Variants in IQCE observed in about 807,000 individuals in gnomAD.
IQCE encodes IQ domain-containing protein E.
IQCE carries 115 observed loss-of-function variants against 96.0 expected under a neutral mutation model. The observed-to-expected ratio is 1.20, with a 90% CI of 1.03 to 1.40. The LOEUF is 1.40. IQCE is among the 40% of genes most tolerant of loss of function. The pLI, the probability that IQCE is intolerant of heterozygous loss-of-function variation, is 0.00. For synonymous variants in IQCE, 412 were observed against 371.2 expected (o/e 1.11, Z -1.26); for missense variants, 1,041 against 909.1 (o/e 1.15, Z -1.87).
intron 4 of IQCE, 62 bp downstream of exon 4, chr7:2,571,716 G>C: frequency 6.5e-7 from 1 of 1,536,438 alleles, no homozygotes; most frequent in South Asian, 1.1e-5. Context: ...AAATTTCAGG[G>C]AGTGGTTTGA....
intron 1 of IQCE, among the ~76,000 whole-genome samples, chr7:2,565,175 C>G (rs117397769): frequency 6.7e-6 from 1 of 149,740 alleles, no homozygotes; most frequent in Non-Finnish European, 1.5e-5. Context: ...TTGTATTCTG[C>G]TGACTGCAGT....
At chr7:2,567,902 C>T (rs1781497506) in intron 2 of IQCE, among the ~76,000 whole-genome samples, 1 of 152,156 alleles carries the variant, frequency 6.6e-6, no homozygotes, top group South Asian at 2.1e-4. Context: ...GGGGATGCTC[C>T]TCTGATGTTC....
intron 5 of IQCE, 110 bp from the exon 6 acceptor site, chr7:2,573,293 GCTTTTTTATTTTCTT>G: frequency 3.3e-6 from 2 of 613,518 alleles, no homozygotes; most frequent in South Asian, 3.7e-5. Context: ...AATTATTTTG[GCTTTTTTATTTTCTT>G]CTTTTTTAAA....
intron 1 of IQCE, among the ~76,000 whole-genome samples, chr7:2,561,481 C>A (rs1448624473): frequency 6.8e-6 from 1 of 147,790 alleles, no homozygotes; most frequent in Non-Finnish European, 1.5e-5. Flanking sequence ...AGTGCAGTGG[C>A]GCGATCTCGG....
intron 8 of IQCE, among the ~76,000 whole-genome samples, chr7:2,579,586 G>T (rs1266925037): frequency 2.0e-5 from 3 of 152,182 alleles, no homozygotes; most frequent in Admixed American, 6.5e-5. Flanking sequence ...GTTTAAAGTA[G>T]ATGGTGAAAG....
At chr7:2,572,532 G>C (rs575130642) in intron 5 of IQCE, among the ~76,000 whole-genome samples, 1 of 152,180 alleles carries the variant, frequency 6.6e-6, no homozygotes, top group Non-Finnish European at 1.5e-5. Context: ...AGCTTTCCTC[G>C]TGGGTGCAGG....
At position 2,610,056 on chromosome 7, in the gene IQCE, C is replaced by T. The variant is rs1785040606; in HGVS notation, c.1982C>T (p.Ser661Leu). The change falls in exon 22 of 22, where the codon TCA becomes TTA. Residue 661 changes from serine to leucine, a missense_variant. Coordinates refer to ENST00000402050, the MANE Select transcript of IQCE (RefSeq NM_152558.5). ...TTCATTTCTGCAGACCCCTCTCCCT[C>T]AGGGCCACAGGCCTTGGCACCTCTA... The part of the protein sequence containing the change: ...FLAALPDPSP[S>L]GPQALAPLPG... 5 of 1,598,132 alleles carry T rather than the reference C, an allele frequency of 3.1e-6. No individual in the cohort carries two copies. Among genetic ancestry groups the T allele is most frequent in the Admixed American group, 3.3e-5 (2 of 59,976 alleles).
At chr7:2,595,690 C>T (rs1210653349) in intron 16 of IQCE, among the ~76,000 whole-genome samples, 6 of 151,184 alleles carry the variant, frequency 4.0e-5, no homozygotes, top group Non-Finnish European at 5.9e-5. Flanking sequence ...CCTGGAGGGT[C>T]GCAGCCATGC....
chr7:2,577,517 C>G (rs1782245690), intron 6 of IQCE, among the ~76,000 whole-genome samples: 1 of 129,008 alleles, frequency 7.8e-6, no homozygotes, highest in Non-Finnish European at 1.6e-5. Context: ...TGTGCGGGGA[C>G]GTGTGTGCGG....
intron 17 of IQCE, 120 bp downstream of exon 17, chr7:2,598,752 A>G: frequency 2.4e-6 from 2 of 824,524 alleles, no homozygotes; most frequent in Non-Finnish European, 3.4e-6. Flanking sequence ...GTGTCTGAGC[A>G]CCGTAACATA....
chr7:2,605,402 C>T (rs1314145492), intron 19 of IQCE, among the ~76,000 whole-genome samples: 1 of 152,058 alleles, frequency 6.6e-6, no homozygotes, highest in Non-Finnish European at 1.5e-5. Flanking sequence ...AGGTGGATCA[C>T]AAGGTCAGGA....
At chr7:2,588,654 GTTTTTTTTTTT>G (rs370704456) in intron 13 of IQCE, among the ~76,000 whole-genome samples, 523 of 49,748 alleles carry the variant, frequency 0.011, 7 homozygotes, top group African/African-American at 0.036. Context: ...TGCCTGGCTG[GTTTTTTTTTTT>G]TTTTTTTTTT....
At chr7:2,609,631 G>A (rs1041175475) in intron 21 of IQCE, among the ~76,000 whole-genome samples, 2 of 152,212 alleles carry the variant, frequency 1.3e-5, no homozygotes, top group Non-Finnish European at 2.9e-5. Flanking sequence ...GTTTGAAGGT[G>A]AGGAGAGTGA....
chr7:2,580,410 G>T (rs138973829), intron 8 of IQCE, among the ~76,000 whole-genome samples: 11 of 152,144 alleles, frequency 7.2e-5, no homozygotes, highest in Non-Finnish European at 1.2e-4. Flanking sequence ...AGGAGTTCAA[G>T]ACCAGCCTGG....
intron 21 of IQCE, among the ~76,000 whole-genome samples, chr7:2,607,825 C>G (rs1362289888): frequency 6.6e-6 from 1 of 152,242 alleles, no homozygotes; most frequent in Non-Finnish European, 1.5e-5. Context: ...AGAAACCCCC[C>G]ATTGACACCT....
chr7:2,570,918 TGTGA>T (rs1274438214), intron 3 of IQCE, among the ~76,000 whole-genome samples: 7 of 152,250 alleles, frequency 4.6e-5, no homozygotes, highest in South Asian at 2.1e-4. Context: ...TCACTGTGGC[TGTGA>T]GTGTGTAAGA....
chr7:2,570,061 ATGTC>A (rs1276159317), intron 3 of IQCE, among the ~76,000 whole-genome samples: 3 of 151,936 alleles, frequency 2.0e-5, no homozygotes, highest in Non-Finnish European at 1.5e-5. Flanking sequence ...TGTAGGGACC[ATGTC>A]TGTCCTGTTC....
At chr7:2,579,637 C>G (rs1387727668) in intron 8 of IQCE, among the ~76,000 whole-genome samples, 1 of 152,014 alleles carries the variant, frequency 6.6e-6, no homozygotes, top group African/African-American at 2.4e-5. Context: ...AAATCCTTAA[C>G]AAATGCCTGT....
In IQCE at chr7:2,590,035, G is replaced by A; in HGVS notation, c.1173G>A (p.Glu391=). The A allele has an allele frequency of 1.2e-6, 2 of 1,613,734 alleles. No homozygotes were observed. Among genetic ancestry groups the A allele is most frequent in the Non-Finnish European group, 1.7e-6 (2 of 1,179,982 alleles). ...QPRGDRNKDH[E]RLRGAVRDLK... is the part of the protein sequence containing the mutation. ...GAGGGGACCGCAACAAGGACCACGAGCGTCTCCGAGGGGCTGTGAGAGACC... is the reference window on the plus strand; with the variant it reads ...GAGGGGACCGCAACAAGGACCACGAACGTCTCCGAGGGGCTGTGAGAGACC... The change falls in exon 14 of 22, where the codon GAG becomes GAA. Residue 391 remains glutamate (E), a synonymous_variant. Coordinates refer to ENST00000402050, the MANE Select transcript of IQCE (RefSeq NM_152558.5).
Sources: gnomAD v4.1 joint callset for allele counts (sites outside exome capture counted in the v4.1 genomes callset) on GRCh38, gnomAD v4.1.1 for gene constraint, MANE v1.5 for transcripts, NCBI Gene and HGNC (gene_info 2026-07-23, HGNC 2026-07-21) for gene names.